Variants in ADCY1 observed in about 807,000 individuals in gnomAD.
ADCY1 encodes the protein adenylate cyclase type 1.
Under a neutral mutation model 105.4 loss-of-function variants are expected in ADCY1, and 28 were observed. That is an observed-to-expected ratio of 0.27 (90% CI 0.20 to 0.36). The LOEUF is 0.36. Among genes scored for constraint, ADCY1 ranks in the 10% least tolerant of loss-of-function variants. ADCY1 has a pLI of 1.00. For synonymous variants in ADCY1, 655 were observed against 623.8 expected (o/e 1.05, Z -0.75); for missense variants, 977 against 1,434.2 (o/e 0.68, Z 5.15).
At chr7:45,622,791 G>A in intron 4 of ADCY1, 48 bp downstream of exon 4, 1 of 1,476,084 alleles carries the variant, frequency 6.8e-7, no homozygotes, top group South Asian at 1.2e-5. Flanking sequence ...AATTGCTTCT[G>A]GAGTGACGAT....
intron 5 of ADCY1, among the ~76,000 whole-genome samples, chr7:45,651,785 C>T (rs111375095): frequency 6.6e-6 from 1 of 152,204 alleles, no homozygotes; most frequent in Non-Finnish European, 1.5e-5. Context: ...GTGGCAGGCT[C>T]AGTGCCTGAG....
At chr7:45,699,668 G>A (rs1272791384) in intron 14 of ADCY1, among the ~76,000 whole-genome samples, 1 of 152,094 alleles carries the variant, frequency 6.6e-6, no homozygotes, top group Non-Finnish European at 1.5e-5. Flanking sequence ...CTACATGGGA[G>A]GGAAGGAGAG....
At chr7:45,593,169 G>A (rs1038905454) in intron 2 of ADCY1, among the ~76,000 whole-genome samples, 38 of 152,174 alleles carry the variant, frequency 2.5e-4, no homozygotes, top group Non-Finnish European at 3.7e-4. Flanking sequence ...ACGGACTTCC[G>A]GTTGCAGCTG....
At chr7:45,608,266 T>C (rs1240348719) in intron 2 of ADCY1, among the ~76,000 whole-genome samples, 1 of 152,248 alleles carries the variant, frequency 6.6e-6, no homozygotes, top group Admixed American at 6.5e-5. Flanking sequence ...TGACTGTTCA[T>C]GTCCTTTGCC....
In ADCY1 at chr7:45,575,864, G is replaced by A. The variant is rs1233540968; in HGVS notation, c.639+682G>A. The stretch of plus-strand genomic sequence containing the variant: ...TGTCACTGTCTTCCCAGTCGGGCGG[G>A]CGAGATGGTTGCAAGGACGGGGACG... On this transcript the variant is annotated intron_variant, in intron 1 of 19. Coordinates refer to ENST00000297323, the MANE Select transcript of ADCY1 (RefSeq NM_021116.4). The surrounding 1 kb of genome is among the most constrained non-coding windows in gnomAD (Gnocchi z 4.7). Among the ~76,000 whole-genome samples the A allele has an allele frequency of 4.6e-5, 7 of 152,258 alleles. No individual in the cohort carries two copies. Among genetic ancestry groups the A allele is most frequent in the African/African-American group, 1.7e-4 (7 of 41,474 alleles).
intron 8 of ADCY1, chr7:45,664,601 T>C: frequency 1.4e-5 from 15 of 1,045,946 alleles, no homozygotes; most frequent in Non-Finnish European, 1.9e-5. Context: ...AAAGCTATCA[T>C]GAACATTTTG....
chr7:45,681,681 C>G (rs1430872268), intron 11 of ADCY1, among the ~76,000 whole-genome samples: 2 of 152,146 alleles, frequency 1.3e-5, no homozygotes, highest in Admixed American at 1.3e-4. Context: ...AGGCTCTGCA[C>G]CGGGCTCTGA....
intron 1 of ADCY1, among the ~76,000 whole-genome samples, chr7:45,585,242 G>T (rs914140970): frequency 6.6e-6 from 1 of 152,192 alleles, no homozygotes; most frequent in East Asian, 1.9e-4. Flanking sequence ...AACCCTACCT[G>T]CCCTGCAGTG....
chr7:45,667,214 C>G (rs1047338758), intron 8 of ADCY1, among the ~76,000 whole-genome samples: 3 of 152,142 alleles, frequency 2.0e-5, no homozygotes, highest in African/African-American at 7.2e-5. Context: ...ATGCCTATGT[C>G]CTGAATGGTA....
intron 8 of ADCY1, among the ~76,000 whole-genome samples, chr7:45,671,794 T>C (rs1784372840): frequency 6.6e-6 from 1 of 152,220 alleles, no homozygotes; most frequent in Admixed American, 6.5e-5. Context: ...TTTTTTGTGC[T>C]GTTCATTTTT....
intron 11 of ADCY1, among the ~76,000 whole-genome samples, chr7:45,681,361 G>A (rs1284923063): frequency 6.6e-6 from 1 of 152,120 alleles, no homozygotes; most frequent in Non-Finnish European, 1.5e-5. Context: ...TTCTCTTGGT[G>A]GACTCTGCCC....
intron 4 of ADCY1, among the ~76,000 whole-genome samples, chr7:45,635,613 T>TG (rs1794382320): frequency 7.2e-6 from 1 of 139,076 alleles, no homozygotes; most frequent in South Asian, 2.2e-4. Context: ...TTTTTTTTTT[T>TG]TTTTTTTTTT....
rs1004739305 is a variant in ADCY1 at position 45,679,711 on chromosome 7, G to A, written c.1901G>A (p.Ser634Asn). The part of the protein sequence containing the change: ...GLVYLLIFPQ[S>N]VVVLLLLVFC... ...CTCTCATGTTTTCTGTCCCCCAGGA[G>A]TGTGGTCGTCCTGCTCCTGCTAGTA... Residue 634 changes from serine to asparagine, a missense_variant and splice_region_variant, in exon 11 of 20, where the codon AGT (serine) becomes AAT (asparagine). Ser to Asn is a conservative substitution (Grantham distance 46). Around this residue, in one of 7 missense-constraint regions of ADCY1, gnomAD observed 275 missense variants for 362.1 expected, o/e 0.76. Coordinates refer to ENST00000297323, the MANE Select transcript of ADCY1 (RefSeq NM_021116.4). The A allele has an allele frequency of 1.9e-6, 3 of 1,614,116 alleles. No individual in the cohort carries two copies. Among genetic ancestry groups the A allele is most frequent in the African/African-American group, 2.7e-5 (2 of 74,930 alleles).
chr7:45,593,211 A>G (rs1792977088), intron 2 of ADCY1, among the ~76,000 whole-genome samples: 1 of 152,224 alleles, frequency 6.6e-6, no homozygotes, highest in Non-Finnish European at 1.5e-5. Context: ...AGGACGAGGC[A>G]GGTCCTGGCT....
chr7:45,653,056 T>A (rs1794852075), intron 5 of ADCY1, among the ~76,000 whole-genome samples: 1 of 152,208 alleles, frequency 6.6e-6, no homozygotes, highest in Admixed American at 6.5e-5. Flanking sequence ...TTTTTATTGG[T>A]ATGATTCTTA....
chr7:45,631,691 G>A (rs1020149110), intron 4 of ADCY1, among the ~76,000 whole-genome samples: 15 of 152,152 alleles, frequency 9.9e-5, no homozygotes, highest in African/African-American at 3.6e-4. Context: ...TAATTTTTGT[G>A]CGCATGTGAA....
chr7:45,633,420 G>T (rs1383087128), intron 4 of ADCY1, among the ~76,000 whole-genome samples: 1 of 152,110 alleles, frequency 6.6e-6, no homozygotes. Context: ...TAGAAATATT[G>T]AAAACATTAA....
chr7:45,629,509 C>CTTTTTT (rs34705083), intron 4 of ADCY1, among the ~76,000 whole-genome samples: 1 of 129,406 alleles, frequency 7.7e-6, no homozygotes, highest in East Asian at 2.5e-4. Flanking sequence ...GTATGCTTAA[C>CTTTTTT]TTTTTTTTTT....
chr7:45,682,942 G>A (rs1784590218), intron 11 of ADCY1, among the ~76,000 whole-genome samples: 1 of 152,138 alleles, frequency 6.6e-6, no homozygotes, highest in Non-Finnish European at 1.5e-5. Flanking sequence ...ACAGCCCGAG[G>A]GCTTCATTCT....
Sources: allele counts gnomAD v4.1 joint callset (sites outside exome capture counted in the v4.1 genomes callset), GRCh38; gene constraint gnomAD v4.1.1; regional missense constraint gnomAD v4.1.1; non-coding constraint Gnocchi (gnomAD v3.1); transcripts MANE v1.5; gene names NCBI Gene and HGNC (gene_info 2026-07-23, HGNC 2026-07-21).